The following LIPJ variants were observed in gnomAD, a reference collection of about 807,000 sequenced individuals.
LIPJ encodes the protein lipase member J.
Under a neutral mutation model 39.8 loss-of-function variants are expected in LIPJ, and 33 were observed. The observed-to-expected ratio is 0.83, with a 90% CI of 0.63 to 1.11. The LOEUF is 1.11. Ranked by LOEUF, LIPJ falls within the 50% of genes least tolerant of loss-of-function variation. The probability of loss-of-function intolerance (pLI) is 0.00; values close to 1 mark genes in which losing one functional copy is unlikely to be tolerated. For synonymous variants in LIPJ, 128 were observed against 139.2 expected (o/e 0.92, Z 0.57); for missense variants, 422 against 427.9 (o/e 0.99, Z 0.12).
upstream of LIPJ, chr10:88,583,705 C>T: frequency 3.0e-6 from 3 of 985,872 alleles, no homozygotes; most frequent in Non-Finnish European, 3.6e-6. Context: ...ATAGAAACAT[C>T]TTTTGGAATC....
chr10:88,611,335 T>C (rs909219292), downstream of LIPJ, among the ~76,000 whole-genome samples: 4 of 152,160 alleles, frequency 2.6e-5, no homozygotes, highest in South Asian at 2.1e-4. Context: ...AAAACAATTC[T>C]GGTAATATGA....
the LIPJ span, among the ~76,000 whole-genome samples, chr10:88,613,733 A>T: frequency 7.6e-6 from 1 of 132,168 alleles, no homozygotes; most frequent in Non-Finnish European, 1.7e-5. Context: ...GATGAAACTA[A>T]AGGCATCCTG....
At chr10:88,591,631 C>T (rs895617508) in intron 4 of LIPJ, 133 bp downstream of exon 4, 3 of 694,452 alleles carry the variant, frequency 4.3e-6, no homozygotes, top group Non-Finnish European at 4.5e-6. Flanking sequence ...TGTATCTTCT[C>T]GCATGCTACA....
intron 2 of LIPJ, among the ~76,000 whole-genome samples, chr10:88,588,907 T>C (rs1850996468): frequency 6.6e-6 from 1 of 151,832 alleles, no homozygotes; most frequent in African/African-American, 2.4e-5. Context: ...GTTTAAACAT[T>C]TCCCATTGGT....
At chr10:88,616,608 C>G in the LIPJ span, among the ~76,000 whole-genome samples, 1 of 152,204 alleles carries the variant, frequency 6.6e-6, no homozygotes, top group African/African-American at 2.4e-5. Context: ...GGGATTACGG[C>G]CGCCTACAGA....
chr10:88,589,951 A>C (rs963245634), intron 2 of LIPJ, among the ~76,000 whole-genome samples: 1 of 151,662 alleles, frequency 6.6e-6, no homozygotes, highest in Non-Finnish European at 1.5e-5. Flanking sequence ...TGTCCTTCTG[A>C]GTATAGTGGT....
intron 6 of LIPJ, 53 bp downstream of exon 6, chr10:88,594,829 TG>T: frequency 1.1e-6 from 1 of 880,208 alleles, no homozygotes; most frequent in Non-Finnish European, 1.7e-6. Context: ...TTTAAGGTTG[TG>T]CATATACTTC....
intron 9 of LIPJ, 150 bp downstream of exon 9, chr10:88,602,797 T>A (rs1245783519): frequency 3.0e-5 from 14 of 459,834 alleles, no homozygotes; most frequent in Middle Eastern, 5.9e-4. Context: ...CCTTACAGTT[T>A]ATAAAATATT....
the LIPJ span, among the ~76,000 whole-genome samples, chr10:88,613,800 A>ATATATATGTGTG: frequency 0.016 from 1,193 of 73,936 alleles, 17 homozygotes; most frequent in African/African-American, 0.022. Context: ...ATATATATAT[A>ATATATATGTGTG]TGTGTGTGTG....
the LIPJ span, among the ~76,000 whole-genome samples, chr10:88,616,049 A>G: frequency 6.6e-6 from 1 of 152,198 alleles, no homozygotes; most frequent in Non-Finnish European, 1.5e-5. Flanking sequence ...CCATCTCTAC[A>G]AAAAAGAAAC....
chr10:88,601,620 G>T (rs111503522), intron 8 of LIPJ, among the ~76,000 whole-genome samples: 3 of 152,242 alleles, frequency 2.0e-5, no homozygotes, highest in African/African-American at 7.2e-5. Context: ...TGAAAGGTTT[G>T]CTTCTTGTAT....
At chr10:88,583,559 A>G, upstream of LIPJ, 1 of 1,049,072 alleles carries the variant, frequency 9.5e-7, no homozygotes, top group Non-Finnish European at 1.1e-6. Context: ...AGCTTAACCT[A>G]TCTACTGCGA....
At chr10:88,594,597 T>C (rs1167292212) in intron 5 of LIPJ, 70 bp from the exon 6 acceptor site, 8 of 719,590 alleles carry the variant, frequency 1.1e-5, no homozygotes, top group Non-Finnish European at 1.8e-5. Flanking sequence ...CAGTTATCTC[T>C]TCATTATTTT....
chr10:88,584,975 C>T (rs1053914731), upstream of LIPJ, among the ~76,000 whole-genome samples: 2 of 152,034 alleles, frequency 1.3e-5, no homozygotes, highest in Admixed American at 1.3e-4. Flanking sequence ...TTAAAGCAGA[C>T]ATTTATCTTG....
the LIPJ span, among the ~76,000 whole-genome samples, chr10:88,614,997 T>TG: frequency 6.6e-6 from 1 of 152,190 alleles, no homozygotes; most frequent in Non-Finnish European, 1.5e-5. Flanking sequence ...TCTTATATCC[T>TG]GTTTTGTACA....
intron 7 of LIPJ, 135 bp downstream of exon 7, chr10:88,596,551 T>C: frequency 1.0e-6 from 1 of 981,938 alleles, no homozygotes; most frequent in Non-Finnish European, 1.5e-6. Context: ...ACTACATTCT[T>C]GTTTTTGTTT....
intron 8 of LIPJ, among the ~76,000 whole-genome samples, chr10:88,599,756 GTTTT>G (rs1234619320): frequency 5.4e-5 from 8 of 148,904 alleles, no homozygotes; most frequent in Non-Finnish European, 9.0e-5. Flanking sequence ...AATTTTTATG[GTTTT>G]TTTTGTTCTT....
chr10:88,611,585 G>A (rs1851752910), downstream of LIPJ, among the ~76,000 whole-genome samples: 1 of 152,116 alleles, frequency 6.6e-6, no homozygotes, highest in African/African-American at 2.4e-5. Context: ...TACCACTTCT[G>A]GAAATCAAGG....
chr10:88,621,096 C>G, the LIPJ span, among the ~76,000 whole-genome samples: 1 of 152,270 alleles, frequency 6.6e-6, no homozygotes, highest in Non-Finnish European at 1.5e-5. Context: ...CAGGCTTCAA[C>G]TTATGAATTT....
Sources: allele counts gnomAD v4.1 joint callset (sites outside exome capture counted in the v4.1 genomes callset), GRCh38; gene constraint gnomAD v4.1.1; transcripts MANE v1.5; gene names NCBI Gene and HGNC (gene_info 2026-07-23, HGNC 2026-07-21).